The following MAP3K21 variants were observed in gnomAD, a reference collection of about 807,000 sequenced individuals.
The protein encoded by MAP3K21 is mitogen-activated protein kinase kinase kinase MLK4.
A neutral mutation model predicts 86.1 loss-of-function variants in MAP3K21; 63 were observed. The ratio of observed to expected loss-of-function variants is 0.73; its 90% CI spans 0.60 to 0.90. The LOEUF is 0.90. MAP3K21 is among the 40% of genes least tolerant of loss of function. The pLI is 0.00. For missense variants in MAP3K21, 1,220 were observed against 1,367.7 expected (o/e 0.89, Z 1.70); for synonymous variants, 558 against 564.8 (o/e 0.99, Z 0.17).
Position 233,327,975 on chromosome 1 carries a change from G to A in MAP3K21, c.-54G>A, listed in dbSNP as rs1193780716. ...CGCCGGACGATGCGCGCCCGCGGCC[G>A]CCCGGGAGGCTGAGCCCAGCTTCCC... On this transcript the variant is annotated 5_prime_UTR_variant, in exon 1 of 10. Coordinates refer to ENST00000366624, the MANE Select transcript of MAP3K21 (RefSeq NM_032435.3). 1.1e-5 allele frequency: 13 copies of A among 1,230,466 alleles called. No homozygotes were observed. The highest frequency in any genetic ancestry group is 1.3e-5 in the Non-Finnish European group (13 of 987,142). 76.2% of individuals were successfully genotyped at this position (1,230,466 alleles called of 1,614,324 possible).
intron 2 of MAP3K21, among the ~76,000 whole-genome samples, chr1:233,351,240 A>G (rs1445876474): frequency 6.6e-6 from 1 of 152,200 alleles, no homozygotes; most frequent in Non-Finnish European, 1.5e-5. Flanking sequence ...GCTTTGGAAA[A>G]TAATGATTTT....
At chr1:233,356,469 AATT>A (rs36014775) in intron 4 of MAP3K21, among the ~76,000 whole-genome samples, 41,741 of 151,370 alleles carry the variant, frequency 0.28, 5,971 homozygotes, top group Admixed American at 0.34. Flanking sequence ...TTTAATGAGC[AATT>A]ATTATTATTA....
chr1:233,381,305 T>C (rs910243291), intron 9 of MAP3K21, among the ~76,000 whole-genome samples: 1 of 152,194 alleles, frequency 6.6e-6, no homozygotes, highest in African/African-American at 2.4e-5. Context: ...CCTAATACTA[T>C]ACTTACCTAA....
At chr1:233,333,597 T>A (rs115804364) in intron 1 of MAP3K21, among the ~76,000 whole-genome samples, 1,567 of 149,882 alleles carry the variant, frequency 0.01, 28 homozygotes, top group African/African-American at 0.036. Context: ...ATATTAAAAT[T>A]AAAAAAAAAA....
chr1:233,332,689 A>G (rs1294304), intron 1 of MAP3K21, among the ~76,000 whole-genome samples: 118,331 of 152,134 alleles, frequency 0.78, 46,281 homozygotes, highest in East Asian at 0.99. Context: ...AAATACTGCA[A>G]TATAAGAATT....
At chr1:233,381,130 C>A (rs1047983900) in intron 9 of MAP3K21, among the ~76,000 whole-genome samples, 11 of 152,126 alleles carry the variant, frequency 7.2e-5, no homozygotes, top group Non-Finnish European at 1.2e-4. Context: ...AGACTGCTTT[C>A]TTGTTTGAAT....
At chr1:233,333,334 C>G (rs1662847016) in intron 1 of MAP3K21, among the ~76,000 whole-genome samples, 1 of 152,238 alleles carries the variant, frequency 6.6e-6, no homozygotes, top group Non-Finnish European at 1.5e-5. Context: ...CCAATGGTAA[C>G]TGAGATCTAC....
Position 233,382,553 on chromosome 1 carries a change from T to C in MAP3K21, c.2953T>C (p.Phe985Leu). 3.1e-6 allele frequency: 5 copies of C among 1,614,078 alleles called. No homozygotes were observed. The highest frequency in any genetic ancestry group is 4.2e-6 in the Non-Finnish European group (5 of 1,179,992). The change falls in exon 10 of 10, where the codon TTC becomes CTC. Residue 985 changes from phenylalanine (F) to leucine (L), a missense_variant. Phe to Leu is a conservative substitution (Grantham distance 22, BLOSUM62 0). Transcript: ENST00000366624. The part of the protein sequence containing the change: ...VGRPGPHPTQ[F>L]LAAKERTKSH... ...TCGCCCAGGACCACATCCCACCCAA[T>C]TCCTCGCTGCCAAGGAGAGAACTAA... is the stretch of plus-strand genomic sequence containing the variant.
rs534338393 is a variant in MAP3K21, at chr1:233,370,878, T to A, written c.1553-1160T>A. ...TTATTTGCATCATCACCAGACAAAA[T>A]CTACAAGTTAACCTCTGCTCTTACC... On this transcript the variant is annotated intron_variant, in intron 5 of 9. Coordinates refer to ENST00000366624, the MANE Select transcript of MAP3K21 (RefSeq NM_032435.3). Among the ~76,000 whole-genome samples the A allele has an allele frequency of 2.6e-5, 4 of 152,322 alleles. No homozygotes were observed. In the South Asian group the frequency reaches 8.3e-4, roughly 32 times the overall value.
chr1:233,348,707 T>A (rs1663194300), intron 2 of MAP3K21, among the ~76,000 whole-genome samples: 1 of 152,170 alleles, frequency 6.6e-6, no homozygotes, highest in African/African-American at 2.4e-5. Flanking sequence ...TAAAGTGGTA[T>A]CTCATGGTTA....
chr1:233,346,714 T>C (rs1209671503), intron 2 of MAP3K21, 92 bp downstream of exon 2: 4 of 1,069,826 alleles, frequency 3.7e-6, no homozygotes, highest in East Asian at 2.6e-5. Flanking sequence ...TCAGCATAAA[T>C]AGTCGAGGCC....
At chr1:233,369,478 T>A (rs1168024637) in intron 5 of MAP3K21, among the ~76,000 whole-genome samples, 1 of 152,156 alleles carries the variant, frequency 6.6e-6, no homozygotes, top group Non-Finnish European at 1.5e-5. Flanking sequence ...TGAGAGCACA[T>A]GTGGAGGAAA....
chr1:233,333,570 G>A (rs1216580544), intron 1 of MAP3K21, among the ~76,000 whole-genome samples: 1 of 149,860 alleles, frequency 6.7e-6, no homozygotes, highest in East Asian at 2.0e-4. Flanking sequence ...GGAACATGGT[G>A]AGACCCTGGA....
rs2049182 is a variant in MAP3K21, at chr1:233,354,797, G to T, written c.1136-39G>T. On this transcript the variant is annotated intron_variant, in intron 3 of 9. Coordinates refer to ENST00000366624, the MANE Select transcript of MAP3K21 (RefSeq NM_032435.3). ...ACATTTCTTAGCAACTCTAAACTGC[G>T]TTGAGAGATGGTATTAATGTGATTT... 12 of 1,560,556 alleles carry T rather than the reference G, an allele frequency of 7.7e-6. 1 individual carries two copies. The South Asian group carries it at 1.1e-4, about 15-fold the overall frequency.
At chr1:233,363,607 C>T (rs1019924900) in intron 5 of MAP3K21, among the ~76,000 whole-genome samples, 97 of 150,996 alleles carry the variant, frequency 6.4e-4, no homozygotes, top group African/African-American at 2.1e-3. Flanking sequence ...GAGGCTGAGG[C>T]GGGAGAATCA....
intron 1 of MAP3K21, among the ~76,000 whole-genome samples, chr1:233,332,819 TG>T (rs1487359555): frequency 7.2e-6 from 1 of 138,784 alleles, no homozygotes; most frequent in Non-Finnish European, 1.5e-5. Context: ...TCTTTTTTGA[TG>T]TTGCTTATTG....
intron 8 of MAP3K21, among the ~76,000 whole-genome samples, chr1:233,377,480 A>T (rs1373685211): frequency 1.3e-5 from 2 of 152,308 alleles, no homozygotes; most frequent in Admixed American, 1.3e-4. Context: ...TTTATGAAGG[A>T]AAAGGGAGCT....
Position 233,354,876 on chromosome 1 carries a change from C to G in MAP3K21, c.1176C>G (p.Ala392=), listed in dbSNP as rs1355414582. The part of the protein sequence containing the change: ...QQDPHIRPSF[A]LILEQLTAIE... ...ACCCTCATATTCGTCCATCGTTTGC[C>G]TTAATTCTCGAACAGTTGACTGCTA... Residue 392 remains alanine (A), a synonymous_variant, in exon 4 of 10, where the codon GCC becomes GCG. Coordinates refer to ENST00000366624, the MANE Select transcript of MAP3K21 (RefSeq NM_032435.3). The G allele has an allele frequency of 6.2e-7, 1 of 1,613,990 alleles. No homozygotes were observed.
intron 4 of MAP3K21, among the ~76,000 whole-genome samples, chr1:233,358,110 G>C (rs1663399633): frequency 6.6e-6 from 1 of 151,314 alleles, no homozygotes; most frequent in Admixed American, 6.6e-5. Flanking sequence ...TGGTTTTGAG[G>C]CCTCTGACTC....
Sources: allele counts gnomAD v4.1 joint callset (sites outside exome capture counted in the v4.1 genomes callset), GRCh38; gene constraint gnomAD v4.1.1; transcripts MANE v1.5; gene names NCBI Gene and HGNC (gene_info 2026-07-23, HGNC 2026-07-21).